The following PDS5B variants were observed in gnomAD, a reference collection of about 807,000 sequenced individuals.
PDS5B encodes the protein sister chromatid cohesion protein PDS5 homolog B.
PDS5B carries 51 observed loss-of-function variants against 184.1 expected under a neutral mutation model. The ratio of observed to expected loss-of-function variants is 0.28; its 90% CI spans 0.22 to 0.35. The LOEUF (loss-of-function observed/expected upper bound fraction) is 0.35. Among genes scored for constraint, PDS5B ranks in the 10% least tolerant of loss-of-function variants. PDS5B has a pLI of 1.00. For missense variants in PDS5B, 1,180 were observed against 1,723.3 expected (o/e 0.68, Z 5.58); for synonymous variants, 566 against 569.2 (o/e 0.99, Z 0.08).
At chr13:32,638,074 G>A (rs1011301364) in intron 1 of PDS5B, among the ~76,000 whole-genome samples, 11 of 152,148 alleles carry the variant, frequency 7.2e-5, no homozygotes, top group African/African-American at 2.7e-4. Context: ...GGGCTGGCTT[G>A]TTCATGATGA....
At chr13:32,766,824 GA>G in intron 31 of PDS5B, among the ~76,000 whole-genome samples, 1 of 152,262 alleles carries the variant, frequency 6.6e-6, no homozygotes, top group East Asian at 1.9e-4. Context: ...CAAGAAAGTA[GA>G]CATTGGGTTT....
chr13:32,668,344 C>CGA, intron 7 of PDS5B, among the ~76,000 whole-genome samples: 1 of 152,122 alleles, frequency 6.6e-6, no homozygotes, highest in East Asian at 1.9e-4. Context: ...CCATATAAAT[C>CGA]TATCTTTTCT....
At chr13:32,635,169 C>CGT (rs2058522720) in intron 1 of PDS5B, among the ~76,000 whole-genome samples, 1 of 97,266 alleles carries the variant, frequency 1.0e-5, no homozygotes, top group Non-Finnish European at 2.0e-5. Context: ...CAGCCAATTA[C>CGT]GTTTTTTTTT....
chr13:32,643,469 CT>C (rs1950149018), intron 1 of PDS5B, among the ~76,000 whole-genome samples: 1 of 152,080 alleles, frequency 6.6e-6, no homozygotes, highest in South Asian at 2.1e-4. Flanking sequence ...GTCTTCAGAA[CT>C]TTTTATTGTA....
intron 31 of PDS5B, among the ~76,000 whole-genome samples, chr13:32,766,348 A>G (rs1418135324): frequency 1.3e-5 from 2 of 152,234 alleles, no homozygotes; most frequent in South Asian, 2.1e-4. Context: ...ATAGTACAGA[A>G]CAAAGTCTAC....
chr13:32,605,654 A>G (rs145442035), intron 1 of PDS5B, among the ~76,000 whole-genome samples: 114 of 152,172 alleles, frequency 7.5e-4, no homozygotes, highest in African/African-American at 2.6e-3. Context: ...GATCTGTCTA[A>G]TATCGATAGT....
At chr13:32,747,167 C>T (rs1164662830) in intron 24 of PDS5B, among the ~76,000 whole-genome samples, 2 of 152,126 alleles carry the variant, frequency 1.3e-5, no homozygotes, top group African/African-American at 2.4e-5. Context: ...AAGTCTTTAG[C>T]ATCATTGAGA....
chr13:32,648,294 T>TC (rs2071333969), intron 1 of PDS5B, among the ~76,000 whole-genome samples: 2 of 152,160 alleles, frequency 1.3e-5, no homozygotes, highest in African/African-American at 4.8e-5. Context: ...TTACTTCTGT[T>TC]CCCCTTGCCC....
At chr13:32,698,726 C>G (rs1951779610) in intron 15 of PDS5B, among the ~76,000 whole-genome samples, 2 of 151,340 alleles carry the variant, frequency 1.3e-5, no homozygotes, top group African/African-American at 2.4e-5. Context: ...ACTCGAATTT[C>G]TACTACTATT....
chr13:32,630,807 G>A (rs1448992352), intron 1 of PDS5B, among the ~76,000 whole-genome samples: 2 of 136,988 alleles, frequency 1.5e-5, no homozygotes, highest in Non-Finnish European at 3.2e-5. Context: ...TTTTTTTTCA[G>A]ACGGAGTCTC....
intron 19 of PDS5B, among the ~76,000 whole-genome samples, chr13:32,730,408 A>G (rs770910488): frequency 6.6e-6 from 1 of 152,154 alleles, no homozygotes; most frequent in Admixed American, 6.5e-5. Flanking sequence ...CTTTTTGCTT[A>G]GGATTGTCTT....
chr13:32,612,324 T>C (rs2058156537), intron 1 of PDS5B, among the ~76,000 whole-genome samples: 1 of 152,130 alleles, frequency 6.6e-6, no homozygotes, highest in Admixed American at 6.5e-5. Context: ...CACCTCGGCC[T>C]CCCAAAGTGC....
At chr13:32,697,211 G>A (rs1019037866) in intron 15 of PDS5B, among the ~76,000 whole-genome samples, 8 of 152,114 alleles carry the variant, frequency 5.3e-5, no homozygotes, top group African/African-American at 1.7e-4. Context: ...AACTACATAC[G>A]TAACAGCTTC....
intron 24 of PDS5B, among the ~76,000 whole-genome samples, chr13:32,747,852 A>G (rs1953814340): frequency 6.6e-6 from 1 of 152,246 alleles, no homozygotes; most frequent in Non-Finnish European, 1.5e-5. Context: ...CAAAGTATGC[A>G]AATACAAGAA....
At chr13:32,656,802 G>A (rs1950525232) in intron 3 of PDS5B, among the ~76,000 whole-genome samples, 1 of 152,010 alleles carries the variant, frequency 6.6e-6, no homozygotes, top group Non-Finnish European at 1.5e-5. Context: ...TTGCCATGTT[G>A]GCCAGGCTGG....
chr13:32,590,852 G>C (rs1056231532), intron 1 of PDS5B, among the ~76,000 whole-genome samples: 3 of 151,894 alleles, frequency 2.0e-5, no homozygotes, highest in Non-Finnish European at 2.9e-5. Context: ...GCAGGGGCAA[G>C]ATGCTGGGCA....
At chr13:32,663,817 C>T (rs1950714832) in intron 6 of PDS5B, among the ~76,000 whole-genome samples, 1 of 152,154 alleles carries the variant, frequency 6.6e-6, no homozygotes, top group African/African-American at 2.4e-5. Flanking sequence ...CCCCTGTCAC[C>T]TGAGAAGTGT....
intron 24 of PDS5B, among the ~76,000 whole-genome samples, chr13:32,749,994 A>T (rs1464973083): frequency 6.6e-6 from 1 of 152,320 alleles, no homozygotes; most frequent in Non-Finnish European, 1.5e-5. Context: ...AGTCAAAAGG[A>T]TAATCATCTT....
At chr13:32,720,007 G>T (rs1370806191) in intron 19 of PDS5B, among the ~76,000 whole-genome samples, 1 of 151,952 alleles carries the variant, frequency 6.6e-6, no homozygotes, top group Non-Finnish European at 1.5e-5. Context: ...CATGTGGGCG[G>T]GGCTGGTCTC....
Sources: allele counts gnomAD v4.1 joint callset (sites outside exome capture counted in the v4.1 genomes callset), GRCh38; gene constraint gnomAD v4.1.1; transcripts MANE v1.5; gene names NCBI Gene and HGNC (gene_info 2026-07-23, HGNC 2026-07-21).